Variants in OPN5 observed in about 807,000 individuals in gnomAD.
The protein encoded by OPN5 is opsin-5.
In OPN5, 18 loss-of-function variants were observed where a neutral mutation model predicts 41.7. That is an observed-to-expected ratio of 0.43 (90% CI 0.30 to 0.64). The LOEUF (loss-of-function observed/expected upper bound fraction) is 0.64. Among genes scored for constraint, OPN5 ranks in the 30% least tolerant of loss-of-function variants. OPN5 has a pLI of 0.13. For missense variants in OPN5, 318 were observed against 434.5 expected (o/e 0.73, Z 2.38); for synonymous variants, 178 against 164.3 (o/e 1.08, Z -0.64).
Position 47,795,452 on chromosome 6 carries a change from C to T in OPN5, c.645C>T (p.Ile215=), listed in dbSNP as rs141504571. Residue 215 remains isoleucine (I), a synonymous_variant, in exon 4 of 7, where the codon ATC becomes ATT. Transcript: ENST00000371211. ...GCCTCTTGCTCCCAACGGCTGTGAT[C>T]GTGTTCTCCTACGTAAAGATCATTG... 42 of 1,613,920 alleles carry T rather than the reference C, an allele frequency of 2.6e-5. No homozygotes were observed. In the African/African-American group the frequency reaches 2.8e-4, roughly 11 times the overall value.
intron 2 of OPN5, among the ~76,000 whole-genome samples, chr6:47,789,636 A>T (rs1234464742): frequency 6.6e-6 from 1 of 152,202 alleles, no homozygotes; most frequent in Non-Finnish European, 1.5e-5. Context: ...TAGCAAGCTG[A>T]AAGATGGCAC....
At chr6:47,795,976 T>C (rs993543423) in intron 4 of OPN5, among the ~76,000 whole-genome samples, 4 of 152,220 alleles carry the variant, frequency 2.6e-5, no homozygotes, top group Admixed American at 2.0e-4. Context: ...CTTTGGGACA[T>C]CATTAGGGAC....
intron 4 of OPN5, among the ~76,000 whole-genome samples, chr6:47,799,874 C>G (rs1008627021): frequency 6.6e-5 from 10 of 152,130 alleles, no homozygotes; most frequent in African/African-American, 2.2e-4. Flanking sequence ...CATGTACATC[C>G]TCTAAATTTC....
intron 4 of OPN5, among the ~76,000 whole-genome samples, chr6:47,797,034 T>C (rs962466854): frequency 2.0e-5 from 3 of 152,168 alleles, no homozygotes; most frequent in Admixed American, 6.5e-5. Context: ...GTGAGACTTA[T>C]TCACTATCAT....
At chr6:47,791,005 C>T (rs1017955468) in intron 2 of OPN5, among the ~76,000 whole-genome samples, 1 of 152,168 alleles carries the variant, frequency 6.6e-6, no homozygotes, top group African/African-American at 2.4e-5. Flanking sequence ...TTCTAAAAGG[C>T]CCCACTTGGA....
At chr6:47,789,409 T>G (rs976745122) in intron 2 of OPN5, among the ~76,000 whole-genome samples, 13 of 152,008 alleles carry the variant, frequency 8.6e-5, no homozygotes, top group African/African-American at 2.4e-4. Context: ...TTTAGGTGTT[T>G]TTTTTTTTTG....
At chr6:47,825,862 C>T (rs1762776689), downstream of OPN5, 1 of 152,098 alleles carries the variant, frequency 6.6e-6, no homozygotes, top group Admixed American at 6.6e-5. Flanking sequence ...CCACAGTTGA[C>T]CTCATTAGGC....
chr6:47,804,871 C>T (rs1007394321), intron 4 of OPN5, among the ~76,000 whole-genome samples: 3 of 152,162 alleles, frequency 2.0e-5, no homozygotes, highest in Non-Finnish European at 4.4e-5. Flanking sequence ...TGTTTTAAGT[C>T]TTTCCTGTTC....
chr6:47,808,017 T>C (rs946734121), intron 4 of OPN5, 137 bp from the exon 5 acceptor site: 3 of 804,754 alleles, frequency 3.7e-6, no homozygotes, highest in East Asian at 2.4e-5. Flanking sequence ...ATGATTCCTA[T>C]GTACAAAGTA....
intron 1 of OPN5, among the ~76,000 whole-genome samples, chr6:47,784,974 A>T (rs1318544430): frequency 1.3e-5 from 2 of 152,178 alleles, no homozygotes; most frequent in East Asian, 1.9e-4. Flanking sequence ...TGTTAGAATA[A>T]TTTACATGCA....
intron 3 of OPN5, among the ~76,000 whole-genome samples, chr6:47,793,041 A>G (rs1404317301): frequency 6.6e-6 from 1 of 150,550 alleles, no homozygotes; most frequent in African/African-American, 2.5e-5. Context: ...AACTTCCAAT[A>G]GAAATAGCTT....
intron 4 of OPN5, among the ~76,000 whole-genome samples, chr6:47,806,092 A>G (rs1464811074): frequency 1.3e-5 from 2 of 152,068 alleles, no homozygotes; most frequent in African/African-American, 4.8e-5. Context: ...AAAGCAGCCT[A>G]GCAGATTGAG....
At chr6:47,811,048 G>A (rs764177427) in intron 5 of OPN5, among the ~76,000 whole-genome samples, 1 of 152,316 alleles carries the variant, frequency 6.6e-6, no homozygotes, top group Non-Finnish European at 1.5e-5. Flanking sequence ...GACAATGGCA[G>A]TACAGCTCAT....
intron 4 of OPN5, among the ~76,000 whole-genome samples, chr6:47,807,096 G>A (rs1257570009): frequency 1.3e-5 from 2 of 152,200 alleles, no homozygotes; most frequent in African/African-American, 4.8e-5. Context: ...GGCAGAGGTT[G>A]CAGTGAACCA....
intron 4 of OPN5, among the ~76,000 whole-genome samples, chr6:47,807,260 A>G (rs1367138623): frequency 1.3e-5 from 2 of 152,178 alleles, no homozygotes; most frequent in East Asian, 1.9e-4. Flanking sequence ...TTTGTATTCT[A>G]GAGGGATACA....
Position 47,791,752 on chromosome 6 carries a change from G to A in OPN5, c.251-50G>A, listed in dbSNP as rs773964261. ...GGTTCAGGTGAGTTGAGGTAGGTGG[G>A]GAAATAGTAACCAGAGGAACGTCTG... On this transcript the variant is annotated intron_variant, in intron 2 of 6. Coordinates refer to ENST00000371211, the Ensembl canonical transcript of OPN5. 7.0e-6 allele frequency: 11 copies of A among 1,573,132 alleles called. No homozygotes were observed. The South Asian group carries it at 7.9e-5, about 11-fold the overall frequency.
intron 6 of OPN5, among the ~76,000 whole-genome samples, chr6:47,813,113 C>CAACAACAAG (rs1341179581): frequency 8.7e-6 from 1 of 114,486 alleles, no homozygotes; most frequent in African/African-American, 2.9e-5. Context: ...ACAACAACAA[C>CAACAACAAG]AAGCAACAAC....
intron 3 of OPN5, 61 bp downstream of exon 3, chr6:47,792,033 T>G: frequency 1.7e-6 from 2 of 1,192,160 alleles, no homozygotes; most frequent in Non-Finnish European, 2.4e-6. Flanking sequence ...GTGTTAGAAC[T>G]GTACATATTT....
At chr6:47,804,281 C>T (rs1773879196) in intron 4 of OPN5, among the ~76,000 whole-genome samples, 1 of 151,666 alleles carries the variant, frequency 6.6e-6, no homozygotes, top group Non-Finnish European at 1.5e-5. Flanking sequence ...TTTTCAGTGA[C>T]CTAAAAAGGC....
Sources: allele counts gnomAD v4.1 joint callset (sites outside exome capture counted in the v4.1 genomes callset), GRCh38; gene constraint gnomAD v4.1.1; transcripts MANE v1.5; gene names NCBI Gene and HGNC (gene_info 2026-07-23, HGNC 2026-07-21).